Variants in ADGRG6 observed in about 807,000 individuals in gnomAD.
ADGRG6 encodes the protein adhesion G protein-coupled receptor G6.
ADGRG6 carries 84 observed loss-of-function variants against 142.4 expected under a neutral mutation model. That is an observed-to-expected ratio of 0.59 (90% CI 0.49 to 0.71). The LOEUF (loss-of-function observed/expected upper bound fraction) is 0.71, where lower values mean the gene tolerates loss of function less well. Ranked by LOEUF, ADGRG6 falls within the 30% of genes least tolerant of loss-of-function variation. ADGRG6 has a pLI of 0.00. For synonymous variants in ADGRG6, 521 were observed against 520.5 expected, an observed-to-expected ratio of 1.00 and a Z score of -0.01; for missense variants, 1,367 against 1,466.6, an observed-to-expected ratio of 0.93 and a Z score of 1.11.
chr6:142,392,304 T>C (rs1040586145), intron 7 of ADGRG6, among the ~76,000 whole-genome samples: 2 of 151,966 alleles, frequency 1.3e-5, no homozygotes, highest in Non-Finnish European at 2.9e-5. Flanking sequence ...TCATAGAAGC[T>C]TCTTTATATT....
At chr6:142,321,286 T>TAC (rs10632214) in intron 2 of ADGRG6, among the ~76,000 whole-genome samples, 30,264 of 147,758 alleles carry the variant, frequency 0.2, 3,294 homozygotes, top group African/African-American at 0.3. Context: ...TAAGCATGCA[T>TAC]ACACACACAC....
At chr6:142,363,050 C>G (rs758581177) in intron 2 of ADGRG6, among the ~76,000 whole-genome samples, 4 of 152,078 alleles carry the variant, frequency 2.6e-5, no homozygotes, top group African/African-American at 7.2e-5. Context: ...TTTCACTGAC[C>G]AGGTTTTTCT....
chr6:142,339,946 T>C (rs1468033483), intron 2 of ADGRG6, among the ~76,000 whole-genome samples: 1 of 152,124 alleles, frequency 6.6e-6, no homozygotes, highest in Non-Finnish European at 1.5e-5. Flanking sequence ...GCAGGTGTAG[T>C]TGGCATTGGA....
At chr6:142,406,104 C>G (rs1448177397) in intron 15 of ADGRG6, among the ~76,000 whole-genome samples, 1 of 151,634 alleles carries the variant, frequency 6.6e-6, no homozygotes, top group Non-Finnish European at 1.5e-5. Context: ...AAGAAATGAC[C>G]GTTTATTATT....
rs1477665700 is a variant in ADGRG6, at chr6:142,352,079, AG to A, written c.104-15489del. On this transcript the variant is annotated intron_variant, in intron 2 of 24. Transcript: ENST00000367609. ...GAGATTTTTTTAGCGAACTTAAAACAGAACTACCATTGGACCCACCAGTCTC... is the reference window on the plus strand; with the variant it reads ...GAGATTTTTTTAGCGAACTTAAAACAAACTACCATTGGACCCACCAGTCTC... Among the ~76,000 whole-genome samples the A allele has an allele frequency of 3.9e-5, 6 of 152,184 alleles. No homozygotes were observed. In the East Asian group the frequency reaches 1.2e-3, roughly 29 times the overall value.
Position 142,383,785 on chromosome 6 carries a change from A to G in ADGRG6, c.1164A>G (p.Thr388=). 6.3e-7 allele frequency: 1 copy of G among 1,577,288 alleles called. No individual in the cohort carries two copies. Among genetic ancestry groups the G allele is most frequent in the Non-Finnish European group, 8.7e-7 (1 of 1,147,050 alleles). ...CQATVNSPST[T]PPTVTTNMPV... The stretch of plus-strand genomic sequence containing the variant: ...CTACTGTAAACTCTCCTAGTACTAC[A>G]CCACCCACTGTCACCACTAACATGC... Residue 388 remains threonine, a synonymous_variant, in exon 6 of 25, where the codon ACA becomes ACG. Transcript: ENST00000367609.
At chr6:142,309,479 A>T in intron 1 of ADGRG6, 65 bp from the exon 2 acceptor site, 1 of 1,144,364 alleles carries the variant, frequency 8.7e-7, no homozygotes, top group Non-Finnish European at 1.3e-6. Flanking sequence ...TATAGTTTTT[A>T]CTTTATTTGT....
At chr6:142,439,779 A>C (rs1562397441) in intron 24 of ADGRG6, among the ~76,000 whole-genome samples, 1 of 152,212 alleles carries the variant, frequency 6.6e-6, no homozygotes, top group Non-Finnish European at 1.5e-5. Flanking sequence ...ATTTTGCATA[A>C]AATTAGAGAA....
intron 2 of ADGRG6, among the ~76,000 whole-genome samples, chr6:142,357,992 TCC>T (rs986322084): frequency 2.6e-5 from 4 of 152,228 alleles, no homozygotes. Context: ...TCATGTATGG[TCC>T]CAGTACTTTA....
chr6:142,303,033 C>A (rs1027390788), intron 1 of ADGRG6, among the ~76,000 whole-genome samples: 1 of 152,128 alleles, frequency 6.6e-6, no homozygotes, highest in Admixed American at 6.5e-5. Context: ...ACAGCGACCC[C>A]ATGAAAGGGT....
intron 2 of ADGRG6, among the ~76,000 whole-genome samples, chr6:142,321,338 A>G (rs1458210011): frequency 1.3e-5 from 2 of 151,332 alleles, no homozygotes; most frequent in East Asian, 1.9e-4. Flanking sequence ...TTTAATAATT[A>G]TATTATTGGG....
At chr6:142,348,275 G>A (rs1164413356) in intron 2 of ADGRG6, among the ~76,000 whole-genome samples, 1 of 152,036 alleles carries the variant, frequency 6.6e-6, no homozygotes, top group African/African-American at 2.4e-5. Flanking sequence ...TACATCAAAG[G>A]GAATATGAAA....
At chr6:142,305,414 C>G (rs1052750901) in intron 1 of ADGRG6, among the ~76,000 whole-genome samples, 2 of 144,880 alleles carry the variant, frequency 1.4e-5, no homozygotes, top group African/African-American at 5.3e-5. Flanking sequence ...TGCCCCCCCC[C>G]ACGAGCCCCT....
At chr6:142,440,011 A>G (rs1439417884) in intron 24 of ADGRG6, among the ~76,000 whole-genome samples, 2 of 152,180 alleles carry the variant, frequency 1.3e-5, no homozygotes, top group African/African-American at 4.8e-5. Flanking sequence ...TTATTAATGA[A>G]TAGGAATTAA....
chr6:142,385,057 C>T (rs1781959886), intron 6 of ADGRG6, among the ~76,000 whole-genome samples: 1 of 151,958 alleles, frequency 6.6e-6, no homozygotes, highest in South Asian at 2.1e-4. Context: ...CTAAGTATTT[C>T]ACTCTTTGTA....
chr6:142,420,115 T>C lies in ADGRG6; in HGVS notation c.3319+11T>C, dbSNP rs762702927. Reference sequence around the variant, plus strand: ...TCAATTCATTACAAGGTAAGATAAATTGTACATGAATAGTCTCTGCTTTCT... The same window carrying C: ...TCAATTCATTACAAGGTAAGATAAACTGTACATGAATAGTCTCTGCTTTCT... On this transcript the variant is annotated intron_variant, in intron 22 of 24. Coordinates refer to ENST00000367609, the MANE Select transcript of ADGRG6 (RefSeq NM_198569.3). 5 of 1,600,546 alleles carry C rather than the reference T, an allele frequency of 3.1e-6. No homozygotes were observed. Among genetic ancestry groups the C allele is most frequent in the Non-Finnish European group, 4.3e-6 (5 of 1,168,722 alleles).
chr6:142,302,770 A>C (rs1489875071), intron 1 of ADGRG6: 1 of 179,550 alleles, frequency 5.6e-6, no homozygotes, highest in African/African-American at 2.3e-5. Flanking sequence ...TGTTGACTTT[A>C]CACATTGTCA....
chr6:142,323,184 A>G (rs9986475), intron 2 of ADGRG6, among the ~76,000 whole-genome samples: 3,405 of 151,892 alleles, frequency 0.022, 136 homozygotes, highest in African/African-American at 0.077. Context: ...GCAAACTAAT[A>G]GGACCCATAA....
rs1349631812 is a variant in ADGRG6, at chr6:142,415,917, A to C, written c.2791A>C (p.Ile931Leu). Residue 931 changes from isoleucine to leucine, a missense_variant, in exon 20 of 25, where the codon ATT becomes CTT. Physicochemically the swap from Ile to Leu is conservative, Grantham distance 5 (BLOSUM62 2). Around this residue, in one of 3 missense-constraint regions of ADGRG6, gnomAD observed 286 missense variants for 371.4 expected, o/e 0.77. Coordinates refer to ENST00000367609, the MANE Select transcript of ADGRG6 (RefSeq NM_198569.3). ...ITSFNVDGLC[I>L]AVAVLLHFFL... ...CTCCTTCAATGTGGATGGACTTTGC[A>C]TTGCTGTTGCAGTCCTGTTGCATTT... is the stretch of plus-strand genomic sequence containing the variant. 6.2e-7 allele frequency: 1 copy of C among 1,613,496 alleles called. No individual in the cohort carries two copies. Among genetic ancestry groups the C allele is most frequent in the Non-Finnish European group, 8.5e-7 (1 of 1,179,686 alleles).
Sources: gnomAD v4.1 joint callset for allele counts (sites outside exome capture counted in the v4.1 genomes callset) on GRCh38, gnomAD v4.1.1 for gene constraint, gnomAD v4.1.1 regional missense constraint, MANE v1.5 for transcripts, NCBI Gene and HGNC (gene_info 2026-07-23, HGNC 2026-07-21) for gene names.